The following KMT2B variants were observed in gnomAD, a reference collection of about 807,000 sequenced individuals.
KMT2B encodes histone-lysine N-methyltransferase 2B.
Under a neutral mutation model 255.3 loss-of-function variants are expected in KMT2B, and 22 were observed. That is an observed-to-expected ratio of 0.09 (90% CI 0.06 to 0.12). The LOEUF (loss-of-function observed/expected upper bound fraction) is 0.12. KMT2B is among the 10% of genes least tolerant of loss of function. The pLI is 1.00. For synonymous variants in KMT2B, 1,730 were observed against 1,498.1 expected (o/e 1.15, Z -3.57); for missense variants, 3,149 against 3,737.0 (o/e 0.84, Z 4.10).
chr19:35,732,334 G>T lies in KMT2B; in HGVS notation c.5785G>T (p.Ala1929Ser). Residue 1929 changes from alanine to serine, a missense_variant, in exon 28 of 37, where the codon GCC becomes TCC. Ala to Ser is a moderately conservative substitution (Grantham distance 99). This residue lies in a region of KMT2B where 897 missense variants were observed against 825.3 expected (regional missense o/e 1.09). Transcript: ENST00000420124. ...LAPRPPPSRW[A>S]SPPLKTSPQL... Reference sequence around the variant, plus strand: ...TCCCAGGCCGCCTCCATCACGGTGGGCCTCCCCTCCTCTAAAAACCTCCCC... The same window carrying T: ...TCCCAGGCCGCCTCCATCACGGTGGTCCTCCCCTCCTCTAAAAACCTCCCC... 2 of 1,610,536 alleles carry T rather than the reference G, an allele frequency of 1.2e-6. No homozygotes were observed. The highest frequency in any genetic ancestry group is 1.7e-5 in the Admixed American group (1 of 59,590).
In KMT2B at chr19:35,727,518, C is replaced by G. The variant is rs747829749; in HGVS notation, c.4198C>G (p.Arg1400Gly). The G allele has an allele frequency of 6.2e-7, 1 of 1,610,642 alleles. No individual in the cohort carries two copies. The highest frequency in any genetic ancestry group is 8.5e-7 in the Non-Finnish European group (1 of 1,179,752). The change falls in exon 16 of 37, where the codon CGC (arginine) becomes GGC (glycine). Residue 1400 changes from arginine to glycine, a missense_variant. Physicochemically the swap from Arg to Gly is moderately radical, Grantham distance 125. Around this residue, in one of 18 missense-constraint regions of KMT2B, gnomAD observed 377 missense variants for 471.0 expected, o/e 0.80. Transcript: ENST00000420124. The surrounding 1 kb of genome is among the most constrained non-coding windows in gnomAD (Gnocchi z 4.2). The part of the protein sequence containing the change: ...CGPCAGAAQP[R>G]WREALSGALQ... ...ACCGTGTGCTGGGGCAGCGCAGCCC[C>G]GCTGGCGAGAGGCCCTGAGCGGGGC... is the stretch of plus-strand genomic sequence containing the variant.
chr19:35,736,484 G>A (rs1392395154), intron 30 of KMT2B: 2 of 606,896 alleles, frequency 3.3e-6, no homozygotes, highest in Non-Finnish European at 5.7e-6. Context: ...TCCTGCAGAA[G>A]AGGAGCCGCA....
In KMT2B at chr19:35,719,114, G is replaced by A. The variant is rs1223579532; in HGVS notation, c.364-355G>A. On this transcript the variant is annotated intron_variant, in intron 1 of 36. Transcript: ENST00000420124. ...CAGAAATAAATTGTGGCCCGAAAGG[G>A]TGTCAGTGGAGGTCCCACTTTGGTC... Among the ~76,000 whole-genome samples, 4 of 152,292 alleles carry A rather than the reference G, an allele frequency of 2.6e-5. No homozygotes were observed. The South Asian group carries it at 8.3e-4, about 32-fold the overall frequency.
In KMT2B at chr19:35,733,440, C is replaced by T. The variant is rs1338848121; in HGVS notation, c.6891C>T (p.Ala2297=). Residue 2297 remains alanine (A), a synonymous_variant, in exon 28 of 37, where the codon GCC becomes GCT. Coordinates refer to ENST00000420124, the MANE Select transcript of KMT2B (RefSeq NM_014727.3). This position sits in a 1 kb window ranked among gnomAD's most constrained non-coding sequence, Gnocchi z 4.3. ...CGCCAGCACCTCCCCCATACAAAGC[C>T]CCCCGGCTGGATGAAGATGGAGAGG... ...RSPPAPPPYK[A]PRLDEDGEAS... is the part of the protein sequence containing the mutation. 4 of 1,558,104 alleles carry T rather than the reference C, an allele frequency of 2.6e-6. No individual in the cohort carries two copies. Among genetic ancestry groups the T allele is most frequent in the Non-Finnish European group, 3.5e-6 (4 of 1,151,246 alleles).
At position 35,728,873 on chromosome 19, in the gene KMT2B, A is replaced by G. The variant is rs377576838; in HGVS notation, c.4671A>G (p.Pro1557=). Residue 1557 remains proline, a synonymous_variant, in exon 20 of 37, where the codon CCA becomes CCG. Coordinates refer to ENST00000420124, the MANE Select transcript of KMT2B (RefSeq NM_014727.3). ...EPETPESGQP[P]GDPSAAFQGK... Reference sequence around the variant, plus strand: ...AGACCCCAGAATCAGGGCAGCCTCCAGGGGATCCCTCAGCAGGTACTGGGA... The same window carrying G: ...AGACCCCAGAATCAGGGCAGCCTCCGGGGGATCCCTCAGCAGGTACTGGGA... 3.0e-5 allele frequency: 49 copies of G among 1,613,776 alleles called. No individual in the cohort carries two copies. Among genetic ancestry groups the G allele is most frequent in the African/African-American group, 8.0e-5 (6 of 74,912 alleles).
chr19:35,720,919 C>A lies in KMT2B; in HGVS notation c.1572C>A (p.Ile524=). The change falls in exon 3 of 37, where the codon ATC becomes ATA. Residue 524 remains isoleucine (I), a synonymous_variant. Coordinates refer to ENST00000420124, the MANE Select transcript of KMT2B (RefSeq NM_014727.3). ...APKSTTFLKN[I]RQFIMPVVSA... is the part of the protein sequence containing the mutation. The stretch of plus-strand genomic sequence containing the variant: ...AAAGCACCACCTTCCTGAAGAATAT[C>A]CGGCAGTTTATTATGCCTGTGGTGA... The A allele has an allele frequency of 6.2e-7, 1 of 1,610,484 alleles. No homozygotes were observed.
intron 13 of KMT2B, 134 bp from the exon 14 acceptor site, chr19:35,726,102 C>G (rs1217939249): frequency 2.8e-6 from 2 of 704,166 alleles, no homozygotes; most frequent in African/African-American, 1.7e-5. Flanking sequence ...CGTGTCTGTC[C>G]TGCGTGTTTT....
At chr19:35,730,906 T>G in intron 26 of KMT2B, 39 bp downstream of exon 26, 1 of 1,536,056 alleles carries the variant, frequency 6.5e-7, no homozygotes, top group Non-Finnish European at 8.8e-7. Context: ...AATACCGCTC[T>G]CCCTAAACAA....
rs377417321 is a variant in KMT2B at position 35,737,087 on chromosome 19, A to C, written c.7374A>C (p.Gly2458=). The C allele has an allele frequency of 6.2e-7, 1 of 1,610,408 alleles. No individual in the cohort carries two copies. The highest frequency in any genetic ancestry group is 1.3e-5 in the African/African-American group (1 of 74,844). The change falls in exon 33 of 37, where the codon GGA becomes GGC. Residue 2458 remains glycine, a splice_region_variant and synonymous_variant. Coordinates refer to ENST00000420124, the MANE Select transcript of KMT2B (RefSeq NM_014727.3). This position sits in a 1 kb window ranked among gnomAD's most constrained non-coding sequence, Gnocchi z 5.3. ...HARLRHLSFS[G]MSGARLLGIH... ...TGTGTCCTCAACATCTCCCCTCAGGAATGAGTGGGGCGAGACTCCTGGGCA... is the reference window on the plus strand; with the variant it reads ...TGTGTCCTCAACATCTCCCCTCAGGCATGAGTGGGGCGAGACTCCTGGGCA...
In KMT2B at chr19:35,722,628, G is replaced by T; in HGVS notation, c.2632G>T (p.Ala878Ser). Residue 878 changes from alanine (A) to serine (S), a missense_variant, in exon 5 of 37, where the codon GCC becomes TCC. Ala to Ser is a moderately conservative substitution (Grantham distance 99). Transcript: ENST00000420124. ...ACATGTCTGCCGTCATGCTGCTGTG[G>T]CCCTGGGTCAGGCCCGGGCCATGGT... ...IKHVCRHAAV[A>S]LGQARAMVPE... 6.2e-7 allele frequency: 1 copy of T among 1,612,714 alleles called. No individual in the cohort carries two copies. The highest frequency in any genetic ancestry group is 8.5e-7 in the Non-Finnish European group (1 of 1,179,584).
intron 8 of KMT2B, 89 bp from the exon 9 acceptor site, chr19:35,724,548 G>C (rs1250614668): frequency 9.0e-7 from 1 of 1,107,390 alleles, no homozygotes; most frequent in African/African-American, 1.6e-5. Context: ...AGTTAAAGAA[G>C]GCCCTGGGAA....
chr19:35,733,985 C>T lies in KMT2B; in HGVS notation c.7159+113C>T. On this transcript the variant is annotated intron_variant, in intron 30 of 36. Transcript: ENST00000420124. The surrounding 1 kb of genome is among the most constrained non-coding windows in gnomAD (Gnocchi z 4.3). ...CCAGTATCTACTCCCAGGGGCCAAG[C>T]CTGAGGCTCGGTGCTAGAGTTAGAG... The T allele has an allele frequency of 1.4e-6, 1 of 717,622 alleles. No individual in the cohort carries two copies. The highest frequency in any genetic ancestry group is 2.4e-6 in the Non-Finnish European group (1 of 420,670). 44.5% of individuals were successfully genotyped at this position (717,622 alleles called of 1,614,324 possible).
Position 35,725,672 on chromosome 19 carries a change from G to A in KMT2B, c.3789+47G>A. On this transcript the variant is annotated intron_variant, in intron 12 of 36. Coordinates refer to ENST00000420124, the MANE Select transcript of KMT2B (RefSeq NM_014727.3). This position sits in a 1 kb window ranked among gnomAD's most constrained non-coding sequence, Gnocchi z 4.1. Reference sequence around the variant, plus strand: ...AGGGTGGGTGGAGGCCTGAAGGTGAGGGCATCCCTGTGCCAGCAGGTTTCG... The same window carrying A: ...AGGGTGGGTGGAGGCCTGAAGGTGAAGGCATCCCTGTGCCAGCAGGTTTCG... 1.2e-6 allele frequency: 2 copies of A among 1,612,888 alleles called. No individual in the cohort carries two copies. Among genetic ancestry groups the A allele is most frequent in the East Asian group, 2.2e-5 (1 of 44,878 alleles).
rs750014726 is a variant in KMT2B, at chr19:35,720,448, G to A, written c.1101G>A (p.Glu367=). ...AGAAGCTGGATGACGAGGAAGAAGA[G>A]AAGAAAGAAGAAGAAGAAAAAGACA... ...QEQKLDDEEE[E]KKEEEEKDKE... Residue 367 remains glutamate, a synonymous_variant, in exon 3 of 37, where the codon GAG becomes GAA. Coordinates refer to ENST00000420124, the MANE Select transcript of KMT2B (RefSeq NM_014727.3). 9 of 1,551,604 alleles carry A rather than the reference G, an allele frequency of 5.8e-6. No homozygotes were observed. Among genetic ancestry groups the A allele is most frequent in the African/African-American group, 1.4e-5 (1 of 72,518 alleles).
At chr19:35,724,510 A>G in intron 8 of KMT2B, 127 bp from the exon 9 acceptor site, 1 of 800,500 alleles carries the variant, frequency 1.2e-6, no homozygotes. Flanking sequence ...AAAAACAAGA[A>G]AAAGAATCGT....
chr19:35,726,213 C>G (rs368919018), intron 13 of KMT2B, 23 bp from the exon 14 acceptor site: 182 of 1,591,580 alleles, frequency 1.1e-4, no homozygotes, highest in Non-Finnish European at 2.7e-5. Context: ...TGGTTTTCCC[C>G]TAACATCGCC....
At position 35,725,131 on chromosome 19, in the gene KMT2B, G is replaced by T. The variant is rs1379954931; in HGVS notation, c.3528+44G>T. On this transcript the variant is annotated intron_variant, in intron 10 of 36. Transcript: ENST00000420124. This position sits in a 1 kb window ranked among gnomAD's most constrained non-coding sequence, Gnocchi z 4.1. ...CGAGTCACAGAGCCTCTGGTTGGAA[G>T]AACCTCGATGACTGTGTCATCGAGA... 1 of 1,582,488 alleles carries T rather than the reference G, an allele frequency of 6.3e-7. No individual in the cohort carries two copies. The highest frequency in any genetic ancestry group is 8.7e-7 in the Non-Finnish European group (1 of 1,151,410).
At position 35,727,945 on chromosome 19, in the gene KMT2B, A is replaced by C. The variant is rs1033384980; in HGVS notation, c.4457A>C (p.Asp1486Ala). ...MRHSEEGETPDRRAGGQMKGL... is the reference protein window; with the variant it reads ...MRHSEEGETPARRAGGQMKGL... ...CACTCGGAGGAGGGAGAGACCCCGG[A>C]CCGCCGGGCTGGAGGCCAGATGAAG... The change falls in exon 18 of 37, where the codon GAC becomes GCC. Residue 1486 changes from aspartate (D) to alanine (A), a missense_variant. Asp to Ala is a moderately radical substitution (Grantham distance 126). Coordinates refer to ENST00000420124, the MANE Select transcript of KMT2B (RefSeq NM_014727.3). The surrounding 1 kb of genome is among the most constrained non-coding windows in gnomAD (Gnocchi z 4.2). The C allele has an allele frequency of 2.5e-6, 4 of 1,589,994 alleles. No individual in the cohort carries two copies. Among genetic ancestry groups the C allele is most frequent in the Non-Finnish European group, 3.4e-6 (4 of 1,166,358 alleles).
rs1969630727 is a variant in KMT2B at position 35,730,032 on chromosome 19, C to T, written c.4983C>T (p.Asn1661=). ...GCTGCCTGTCCTCCTGCCTCAGCAACTTCCACTTCATGTGTGCCCGGGCCA... is the reference window on the plus strand; with the variant it reads ...GCTGCCTGTCCTCCTGCCTCAGCAATTTCCACTTCATGTGTGCCCGGGCCA... The part of the protein sequence containing the change: ...VGCCLSSCLS[N]FHFMCARASY... The change falls in exon 23 of 37, where the codon AAC becomes AAT. Residue 1661 remains asparagine, a synonymous_variant. Coordinates refer to ENST00000420124, the MANE Select transcript of KMT2B (RefSeq NM_014727.3). The T allele has an allele frequency of 1.2e-6, 2 of 1,613,878 alleles. No individual in the cohort carries two copies. Among genetic ancestry groups the T allele is most frequent in the Non-Finnish European group, 1.7e-6 (2 of 1,179,860 alleles).
Sources: allele counts gnomAD v4.1 joint callset (sites outside exome capture counted in the v4.1 genomes callset), GRCh38; gene constraint gnomAD v4.1.1; regional missense constraint gnomAD v4.1.1; non-coding constraint Gnocchi (gnomAD v3.1); transcripts MANE v1.5; gene names NCBI Gene and HGNC (gene_info 2026-07-23, HGNC 2026-07-21).